Variants in STRBP observed in about 807,000 individuals in gnomAD.
STRBP encodes spermatid perinuclear RNA-binding protein.
STRBP carries 13 observed loss-of-function variants against 80.1 expected under a neutral mutation model. The ratio of observed to expected loss-of-function variants is 0.16; its 90% CI spans 0.11 to 0.26. The LOEUF (loss-of-function observed/expected upper bound fraction) is 0.26. STRBP is among the 10% of genes least tolerant of loss of function. STRBP has a pLI of 1.00. For missense variants in STRBP, 485 were observed against 815.2 expected (o/e 0.59, Z 4.93); for synonymous variants, 284 against 291.2 (o/e 0.98, Z 0.25).
chr9:123,162,270 G>A (rs551957359), intron 6 of STRBP, among the ~76,000 whole-genome samples: 1 of 151,624 alleles, frequency 6.6e-6, no homozygotes, highest in East Asian at 1.9e-4. Flanking sequence ...TGTCACCCAG[G>A]CTGGAGTGCA....
chr9:123,124,647 A>G lies in STRBP; in HGVS notation c.*950T>C. ...AATCACTAATCTTCTATCTGCATGA[A>G]AAAAGCCAGGGAGTGAACACAATAT... is the stretch of plus-strand genomic sequence containing the variant. On this transcript the variant is annotated 3_prime_UTR_variant, in exon 19 of 19. Transcript: ENST00000348403. The G allele has an allele frequency of 1.0e-6, 1 of 985,492 alleles. No homozygotes were observed. Among genetic ancestry groups the G allele is most frequent in the Middle Eastern group, 5.2e-4 (1 of 1,914 alleles). 61.0% of individuals were successfully genotyped at this position (985,492 alleles called of 1,614,324 possible).
chr9:123,147,224 C>A (rs1429957922), intron 12 of STRBP, among the ~76,000 whole-genome samples, 170 bp from the exon 13 acceptor site: 1 of 152,064 alleles, frequency 6.6e-6, no homozygotes, highest in East Asian at 1.9e-4. Flanking sequence ...ATGCTAATAT[C>A]ACTATAAAAA....
chr9:123,187,430 T>C (rs1293628287), intron 2 of STRBP, among the ~76,000 whole-genome samples: 2 of 152,150 alleles, frequency 1.3e-5, no homozygotes, highest in Non-Finnish European at 2.9e-5. Context: ...TAAAAATACC[T>C]AATAATATCT....
chr9:123,221,544 A>G (rs2040068042), intron 2 of STRBP, among the ~76,000 whole-genome samples: 1 of 152,256 alleles, frequency 6.6e-6, no homozygotes, highest in Non-Finnish European at 1.5e-5. Context: ...CTCTTCATTT[A>G]GGTTCATCAA....
intron 13 of STRBP, among the ~76,000 whole-genome samples, 196 bp from the exon 14 acceptor site, chr9:123,139,883 G>A (rs539346179): frequency 5.0e-4 from 76 of 152,230 alleles, no homozygotes; most frequent in African/African-American, 1.4e-3. Flanking sequence ...TGGAAAAATG[G>A]GGAAAACCTC....
intron 2 of STRBP, among the ~76,000 whole-genome samples, chr9:123,193,238 A>T (rs980393212): frequency 1.3e-5 from 2 of 152,186 alleles, no homozygotes; most frequent in Admixed American, 1.3e-4. Context: ...CACCTAGTAC[A>T]TCGCCCTGCA....
At chr9:123,152,179 C>A (rs1212222008) in intron 11 of STRBP, among the ~76,000 whole-genome samples, 1 of 152,160 alleles carries the variant, frequency 6.6e-6, no homozygotes, top group Non-Finnish European at 1.5e-5. Context: ...AGAAAACACA[C>A]ACCAATGGCT....
At chr9:123,120,489 G>T (rs1480427981), downstream of STRBP, among the ~76,000 whole-genome samples, 1 of 37,352 alleles carries the variant, frequency 2.7e-5, no homozygotes, top group African/African-American at 9.0e-5. Context: ...GGGCGGGGGG[G>T]TGGGGGGGGG....
chr9:123,160,619 A>G (rs2037483538), intron 7 of STRBP, among the ~76,000 whole-genome samples, 157 bp from the exon 8 acceptor site: 1 of 152,244 alleles, frequency 6.6e-6, no homozygotes, highest in African/African-American at 2.4e-5. Flanking sequence ...AGGCTTAAAA[A>G]GGTACATTTT....
chr9:123,248,024 C>T (rs990616204), intron 1 of STRBP, among the ~76,000 whole-genome samples: 7 of 152,116 alleles, frequency 4.6e-5, no homozygotes. Flanking sequence ...ACAAGGTATA[C>T]ACAAGGTGCT....
chr9:123,248,205 C>CTTAGTCT (rs907288067), intron 1 of STRBP, among the ~76,000 whole-genome samples: 11 of 150,068 alleles, frequency 7.3e-5, no homozygotes, highest in African/African-American at 2.7e-4. Context: ...GCATATTTAA[C>CTTAGTCT]TTAGTCTTTT....
At chr9:123,267,161 C>A (rs1588171699) in intron 1 of STRBP, among the ~76,000 whole-genome samples, 1 of 151,442 alleles carries the variant, frequency 6.6e-6, no homozygotes, top group South Asian at 2.1e-4. Flanking sequence ...CGCCACCCCA[C>A]ACCTGTCCCT....
intron 2 of STRBP, among the ~76,000 whole-genome samples, chr9:123,197,667 CTTTTTTTT>C (rs71388358): frequency 5.1e-4 from 45 of 87,382 alleles, no homozygotes; most frequent in Admixed American, 2.7e-3. Flanking sequence ...AAACATATTT[CTTTTTTTT>C]TTTTTTTTTT....
rs1229434802 is a variant in STRBP at position 123,159,194 on chromosome 9, A to G, written c.737T>C (p.Ile246Thr). ...ACAAGTACCTATAGACTTTTCACAT[A>G]TAAGTTCTAGTGGCTAGAAGATATT... is the stretch of plus-strand genomic sequence containing the variant. The part of the protein sequence containing the change: ...APLKGWPLEL[I>T]CEKSIGTCNR... Residue 246 changes from isoleucine (I) to threonine (T), a missense_variant, in exon 9 of 19, where the codon ATA becomes ACA. Physicochemically the swap from Ile to Thr is moderately conservative, Grantham distance 89. Coordinates refer to ENST00000348403, the MANE Select transcript of STRBP (RefSeq NM_018387.5). 1.2e-6 allele frequency: 2 copies of G among 1,612,690 alleles called. No individual in the cohort carries two copies. The highest frequency in any genetic ancestry group is 1.7e-5 in the Admixed American group (1 of 59,994).
At chr9:123,199,562 G>T (rs1190368343) in intron 2 of STRBP, among the ~76,000 whole-genome samples, 1 of 152,190 alleles carries the variant, frequency 6.6e-6, no homozygotes, top group Admixed American at 6.5e-5. Flanking sequence ...TCTTTCAGCA[G>T]TGCTTTGTAG....
intron 4 of STRBP, among the ~76,000 whole-genome samples, chr9:123,176,519 C>T (rs12349082): frequency 0.077 from 11,656 of 152,032 alleles, 1,600 homozygotes; most frequent in East Asian, 0.61. Context: ...GTTTGGAGCA[C>T]AGGAAATTTC....
chr9:123,260,809 T>C (rs2041145701), intron 1 of STRBP, among the ~76,000 whole-genome samples: 1 of 152,208 alleles, frequency 6.6e-6, no homozygotes, highest in African/African-American at 2.4e-5. Context: ...GATGGCTATA[T>C]GGAAATTTAC....
intron 1 of STRBP, among the ~76,000 whole-genome samples, chr9:123,257,868 T>A (rs949968022): frequency 4.0e-5 from 6 of 151,630 alleles, no homozygotes; most frequent in Non-Finnish European, 5.9e-5. Context: ...AAGATACATA[T>A]TTATGCATAA....
chr9:123,209,113 T>C (rs1588104929), intron 2 of STRBP, among the ~76,000 whole-genome samples: 1 of 152,298 alleles, frequency 6.6e-6, no homozygotes, highest in Middle Eastern at 3.4e-3. Context: ...TTCCCACATA[T>C]ATTCTGTTAA....
Sources: allele counts gnomAD v4.1 joint callset (sites outside exome capture counted in the v4.1 genomes callset), GRCh38; gene constraint gnomAD v4.1.1; transcripts MANE v1.5; gene names NCBI Gene and HGNC (gene_info 2026-07-23, HGNC 2026-07-21).